Variants in ZNF761 observed in about 807,000 individuals in gnomAD.
ZNF761 encodes zinc finger protein 761.
Under a neutral mutation model 59.9 loss-of-function variants are expected in ZNF761, and 43 were observed. That is an observed-to-expected ratio of 0.72 (90% CI 0.56 to 0.92). The LOEUF (loss-of-function observed/expected upper bound fraction) is 0.92, where lower values mean the gene tolerates loss of function less well. Among genes scored for constraint, ZNF761 ranks in the 40% least tolerant of loss-of-function variants. The pLI, the probability that ZNF761 is intolerant of heterozygous loss-of-function variation, is 0.00. For synonymous variants in ZNF761, 294 were observed against 304.8 expected (o/e 0.96, Z 0.37); for missense variants, 850 against 906.1 (o/e 0.94, Z 0.79).
At chr19:53,432,937 T>G (rs1032709398) in intron 1 of ZNF761, among the ~76,000 whole-genome samples, 5 of 150,674 alleles carry the variant, frequency 3.3e-5, no homozygotes, top group African/African-American at 1.2e-4. Context: ...GAGGAGGGAT[T>G]TGGAGCCAGG....
At chr19:53,444,511 T>C (rs2086133692) in intron 1 of ZNF761, 1 of 152,218 alleles carries the variant, frequency 6.6e-6, no homozygotes, top group Admixed American at 6.5e-5. Context: ...GTTTTCCTGC[T>C]GACCCTCTCC....
chr19:53,454,684 G>A lies in ZNF761; in HGVS notation c.177G>A (p.Leu59=), dbSNP rs369482628. 7 of 1,605,890 alleles carry A rather than the reference G, an allele frequency of 4.4e-6. No individual in the cohort carries two copies. The African/African-American group carries it at 8.0e-5, about 18-fold the overall frequency. The part of the protein sequence containing the change: ...ISSKCTMKEF[L]STAQGNREVF... Reference sequence around the variant, plus strand: ...CCAAATGCACGATGAAGGAGTTCTTGTCAACAGCGCAAGGCAACAGAGAAG... The same window carrying A: ...CCAAATGCACGATGAAGGAGTTCTTATCAACAGCGCAAGGCAACAGAGAAG... The change falls in exon 5 of 5, where the codon TTG becomes TTA. Residue 59 remains leucine (L), a synonymous_variant. Coordinates refer to ENST00000684525, the MANE Select transcript of ZNF761 (RefSeq NM_001289951.2).
In ZNF761 at chr19:53,456,262, A is replaced by G. The variant is rs1221072454; in HGVS notation, c.1755A>G (p.Lys585=). 1 of 1,613,822 alleles carries G rather than the reference A, an allele frequency of 6.2e-7. No individual in the cohort carries two copies. The highest frequency in any genetic ancestry group is 8.5e-7 in the Non-Finnish European group (1 of 1,179,958). Residue 585 remains lysine (K), a synonymous_variant, in exon 5 of 5, where the codon AAA becomes AAG. Transcript: ENST00000684525. ...ENPYKCEDSD[K]AYSFKSNLEI... Reference sequence around the variant, plus strand: ...CTTACAAATGTGAAGATAGTGACAAAGCTTACAGTTTCAAATCAAACCTTG... The same window carrying G: ...CTTACAAATGTGAAGATAGTGACAAGGCTTACAGTTTCAAATCAAACCTTG...
chr19:53,442,033 G>C (rs2086106508), intron 1 of ZNF761: 9 of 926,858 alleles, frequency 9.7e-6, no homozygotes, highest in Non-Finnish European at 1.0e-5. Flanking sequence ...GTAGGATCCA[G>C]CTGGTTGAAG....
intron 1 of ZNF761, among the ~76,000 whole-genome samples, chr19:53,441,456 T>G (rs1325082390): frequency 6.8e-4 from 11 of 16,154 alleles, no homozygotes; most frequent in Non-Finnish European, 2.0e-3. Context: ...GTTTTTTGTT[T>G]TTTTTTTTTT....
chr19:53,445,586 G>A (rs1255858466), intron 1 of ZNF761, among the ~76,000 whole-genome samples: 4 of 152,190 alleles, frequency 2.6e-5, no homozygotes, highest in East Asian at 1.9e-4. Flanking sequence ...TGAAATGATC[G>A]GCAAAATAGT....
At chr19:53,441,437 G>GT (rs2086098261) in intron 1 of ZNF761, among the ~76,000 whole-genome samples, 3 of 115,112 alleles carry the variant, frequency 2.6e-5, no homozygotes, top group South Asian at 3.2e-4. Flanking sequence ...GTTAGTTTCG[G>GT]GTTTTTTTGT....
At chr19:53,437,607 T>G (rs1383115467) in intron 1 of ZNF761, among the ~76,000 whole-genome samples, 7 of 152,152 alleles carry the variant, frequency 4.6e-5, no homozygotes, top group Admixed American at 1.3e-4. Flanking sequence ...GCTGCCTGCT[T>G]TGCCTCCCTG....
chr19:53,449,227 G>C (rs898690465), intron 3 of ZNF761, among the ~76,000 whole-genome samples: 1 of 152,064 alleles, frequency 6.6e-6, no homozygotes, highest in Non-Finnish European at 1.5e-5. Context: ...CTACTCAGGA[G>C]GCTAAGGCAG....
At chr19:53,438,544 A>G (rs1259187519) in intron 1 of ZNF761, among the ~76,000 whole-genome samples, 1 of 152,030 alleles carries the variant, frequency 6.6e-6, no homozygotes, top group Non-Finnish European at 1.5e-5. Context: ...TTTGAAGGCT[A>G]TTTCTTGGTT....
At chr19:53,441,288 A>G (rs1294295721) in intron 1 of ZNF761, among the ~76,000 whole-genome samples, 1 of 152,188 alleles carries the variant, frequency 6.6e-6, no homozygotes, top group East Asian at 1.9e-4. Context: ...TCTCACAAAA[A>G]CAAGCAAACA....
chr19:53,432,422 C>T (rs998783664), intron 1 of ZNF761, among the ~76,000 whole-genome samples: 3 of 152,146 alleles, frequency 2.0e-5, no homozygotes, highest in African/African-American at 7.2e-5. Flanking sequence ...TCCTAGGATC[C>T]TGCAGACCCC....
At chr19:53,432,220 T>C (rs1482010668) in intron 1 of ZNF761, among the ~76,000 whole-genome samples, 192 bp downstream of exon 1, 1 of 152,120 alleles carries the variant, frequency 6.6e-6, no homozygotes, top group African/African-American at 2.4e-5. Flanking sequence ...GCTGGTCCCG[T>C]CCCGGGTGTT....
At chr19:53,435,841 A>G (rs1459685116) in intron 1 of ZNF761, among the ~76,000 whole-genome samples, 1 of 152,154 alleles carries the variant, frequency 6.6e-6, no homozygotes, top group African/African-American at 2.4e-5. Flanking sequence ...GCACAACGAC[A>G]GAACAATAAT....
intron 1 of ZNF761, chr19:53,442,786 G>A (rs1229885792): frequency 2.5e-5 from 10 of 404,306 alleles, no homozygotes; most frequent in African/African-American, 2.2e-4. Context: ...CCTCTTCCTG[G>A]AGATTCCAGC....
chr19:53,448,536 G>A (rs902647429), intron 3 of ZNF761, among the ~76,000 whole-genome samples: 2 of 152,180 alleles, frequency 1.3e-5, no homozygotes, highest in Non-Finnish European at 2.9e-5. Flanking sequence ...ATCGTTATGA[G>A]ACTTATGAGA....
intron 4 of ZNF761, among the ~76,000 whole-genome samples, chr19:53,451,842 C>T (rs2086224921): frequency 6.6e-6 from 1 of 151,804 alleles, no homozygotes; most frequent in South Asian, 2.1e-4. Context: ...CTGCCTCAGC[C>T]TCCCAAAGTG....
intron 1 of ZNF761, among the ~76,000 whole-genome samples, chr19:53,437,662 G>T (rs1333473240): frequency 1.3e-5 from 2 of 152,094 alleles, no homozygotes; most frequent in South Asian, 2.1e-4. Context: ...TTGCCTTTTG[G>T]TGGCCTCTGC....
At chr19:53,436,527 A>G (rs2086043893) in intron 1 of ZNF761, among the ~76,000 whole-genome samples, 2 of 152,236 alleles carry the variant, frequency 1.3e-5, no homozygotes, top group South Asian at 4.1e-4. Flanking sequence ...CATACGAAAG[A>G]GCTGATCTTA....
Sources: allele counts gnomAD v4.1 joint callset (sites outside exome capture counted in the v4.1 genomes callset), GRCh38; gene constraint gnomAD v4.1.1; transcripts MANE v1.5; gene names NCBI Gene and HGNC (gene_info 2026-07-23, HGNC 2026-07-21).